ROBO1: variants seen among roughly 807,000 people sequenced by gnomAD.
ROBO1 encodes the protein roundabout homolog 1.
In ROBO1, 149 loss-of-function variants were observed where a neutral mutation model predicts 195.9. That is an observed-to-expected ratio of 0.76 (90% CI 0.67 to 0.87). The LOEUF is 0.87. ROBO1 is among the 40% of genes least tolerant of loss of function. ROBO1 has a pLI of 0.00. For missense variants in ROBO1, 1,933 were observed against 2,068.3 expected (o/e 0.93, Z 1.27); for synonymous variants, 816 against 733.2 (o/e 1.11, Z -1.82).
At chr3:79,572,308 C>G in intron 2 of ROBO1, among the ~76,000 whole-genome samples, 1 of 152,002 alleles carries the variant, frequency 6.6e-6, no homozygotes, top group East Asian at 1.9e-4. Flanking sequence ...TTTACATAAA[C>G]ATAACACATC....
chr3:79,733,247 T>C (rs1703231532), intron 1 of ROBO1, among the ~76,000 whole-genome samples: 3 of 152,228 alleles, frequency 2.0e-5, no homozygotes, highest in Non-Finnish European at 4.4e-5. Context: ...CCCAATTATC[T>C]TCTTATCTTC....
intron 1 of ROBO1, among the ~76,000 whole-genome samples, chr3:79,622,470 G>C (rs1945037918): frequency 6.6e-6 from 1 of 152,204 alleles, no homozygotes; most frequent in African/African-American, 2.4e-5. Flanking sequence ...CATCTCTGTA[G>C]CTCCAGCCTG....
Position 79,397,785 on chromosome 3 carries a change from C to G in ROBO1, c.88+192039G>C, listed in dbSNP as rs528848955. Among the ~76,000 whole-genome samples, 111 of 152,226 alleles carry G rather than the reference C, an allele frequency of 7.3e-4. 1 individual carries two copies. Among genetic ancestry groups the G allele is most frequent in the Admixed American group, 3.9e-4 (6 of 15,276 alleles). Reference sequence around the variant, plus strand: ...CAAAGGCTCGCTAGTTAAATCTCAGCCCTATCACTTTTAACAATGTGCTTT... The same window carrying G: ...CAAAGGCTCGCTAGTTAAATCTCAGGCCTATCACTTTTAACAATGTGCTTT... On this transcript the variant is annotated intron_variant, in intron 2 of 30. Transcript: ENST00000464233.
chr3:78,967,598 T>C (rs2076675398), intron 3 of ROBO1, among the ~76,000 whole-genome samples: 1 of 152,168 alleles, frequency 6.6e-6, no homozygotes, highest in South Asian at 2.1e-4. Flanking sequence ...GTTAAAAACC[T>C]TTTTGTTTCT....
chr3:79,341,564 G>C (rs541537668), intron 2 of ROBO1, among the ~76,000 whole-genome samples: 2 of 151,650 alleles, frequency 1.3e-5, no homozygotes, highest in South Asian at 4.2e-4. Flanking sequence ...GGCTGGTCTT[G>C]AACTCCTGGC....
intron 4 of ROBO1, among the ~76,000 whole-genome samples, chr3:78,915,271 G>C (rs2038491643): frequency 1.3e-5 from 2 of 152,088 alleles, no homozygotes; most frequent in Admixed American, 6.6e-5. Flanking sequence ...TGTTCAAAAA[G>C]AGTTTCCTAA....
At chr3:78,905,943 T>C (rs968630663) in intron 4 of ROBO1, among the ~76,000 whole-genome samples, 1 of 152,146 alleles carries the variant, frequency 6.6e-6, no homozygotes, top group African/African-American at 2.4e-5. Flanking sequence ...CTATGACAGA[T>C]TGTCTTCTGC....
At position 79,032,683 on chromosome 3, in the gene ROBO1, C is replaced by T. The variant is rs975194270; in HGVS notation, c.172+92773G>A. 1.1e-4 allele frequency among the ~76,000 whole-genome samples: 16 copies of T among 151,894 alleles called. 1 individual carries two copies. The East Asian group carries it at 2.7e-3, about 26-fold the overall frequency. ...TTTCCTAGTTTTTTATTCATGTACC[C>T]GTGGACTAATTTCAGATAATGAGTT... On this transcript the variant is annotated intron_variant, in intron 3 of 30. Transcript: ENST00000464233.
At chr3:79,021,281 G>A (rs2078095494) in intron 3 of ROBO1, among the ~76,000 whole-genome samples, 1 of 151,964 alleles carries the variant, frequency 6.6e-6, no homozygotes. Flanking sequence ...TTTTTTCTTG[G>A]AATACAAAAT....
intron 2 of ROBO1, among the ~76,000 whole-genome samples, chr3:79,200,739 A>G (rs2081747379): frequency 6.6e-6 from 1 of 152,032 alleles, no homozygotes; most frequent in Non-Finnish European, 1.5e-5. Context: ...GAGATAACCA[A>G]ACAATGTTTA....
intron 4 of ROBO1, among the ~76,000 whole-genome samples, chr3:78,813,251 C>T (rs1313491329): frequency 1.2e-5 from 1 of 81,090 alleles, no homozygotes; most frequent in Non-Finnish European, 3.5e-5. Flanking sequence ...TGCACACACA[C>T]ACACACACAC....
chr3:79,548,916 G>A (rs1328430642), intron 2 of ROBO1, among the ~76,000 whole-genome samples: 1 of 152,108 alleles, frequency 6.6e-6, no homozygotes, highest in African/African-American at 2.4e-5. Context: ...AGGAGAAAAG[G>A]CTTCCAAAAG....
At position 78,748,596 on chromosome 3, in the gene ROBO1, G is replaced by A. The variant is rs574119165; in HGVS notation, c.500-1696C>T. Reference sequence around the variant, plus strand: ...GCTTTCATGGATGAAGTACTACAGTGTAAAAAACTTATGCTCAAGCTGTTC... The same window carrying A: ...GCTTTCATGGATGAAGTACTACAGTATAAAAAACTTATGCTCAAGCTGTTC... On this transcript the variant is annotated intron_variant, in intron 4 of 30. Coordinates refer to ENST00000464233, the MANE Select transcript of ROBO1 (RefSeq NM_002941.4). 1.2e-4 allele frequency among the ~76,000 whole-genome samples: 18 copies of A among 152,160 alleles called. No individual in the cohort carries two copies. In the East Asian group the frequency reaches 3.1e-3, roughly 26 times the overall value.
At chr3:79,643,267 T>C (rs1945720518) in intron 1 of ROBO1, among the ~76,000 whole-genome samples, 1 of 152,180 alleles carries the variant, frequency 6.6e-6, no homozygotes. Flanking sequence ...AGCCACAGAC[T>C]GAATGCTGCA....
At chr3:78,719,490 T>G (rs201840889) in intron 5 of ROBO1, among the ~76,000 whole-genome samples, 22 of 151,716 alleles carry the variant, frequency 1.5e-4, no homozygotes, top group Non-Finnish European at 2.6e-4. Context: ...CATGCATATA[T>G]ATACACATTT....
intron 1 of ROBO1, among the ~76,000 whole-genome samples, chr3:79,599,598 T>G (rs1182195416): frequency 6.6e-6 from 1 of 151,546 alleles, no homozygotes; most frequent in Non-Finnish European, 1.5e-5. Flanking sequence ...AACTTACAAA[T>G]CCTTAGGGGT....
At chr3:79,224,382 G>T (rs1161284910) in intron 2 of ROBO1, among the ~76,000 whole-genome samples, 2 of 152,170 alleles carry the variant, frequency 1.3e-5, no homozygotes, top group African/African-American at 4.8e-5. Context: ...TGACATGCCT[G>T]GAGGCACTCA....
chr3:79,476,860 A>G (rs1938569828), intron 2 of ROBO1, among the ~76,000 whole-genome samples: 1 of 152,120 alleles, frequency 6.6e-6, no homozygotes, highest in East Asian at 1.9e-4. Flanking sequence ...AATCACCATC[A>G]AAGAACTTAC....
chr3:79,358,634 G>A (rs1266220230), intron 2 of ROBO1, among the ~76,000 whole-genome samples: 3 of 151,990 alleles, frequency 2.0e-5, no homozygotes, highest in Non-Finnish European at 1.5e-5. Context: ...GTTTTCCCAT[G>A]CTGGACGTCT....
Sources: gnomAD v4.1 joint callset for allele counts (sites outside exome capture counted in the v4.1 genomes callset) on GRCh38, gnomAD v4.1.1 for gene constraint, MANE v1.5 for transcripts, NCBI Gene and HGNC (gene_info 2026-07-23, HGNC 2026-07-21) for gene names.